ZNF804A: variants seen among roughly 807,000 people sequenced by gnomAD.
The protein encoded by ZNF804A is zinc finger protein 804A.
A neutral mutation model predicts 16.5 loss-of-function variants in ZNF804A; 2 were observed. The observed-to-expected ratio is 0.12, with a 90% CI of 0.05 to 0.38. ZNF804A has a LOEUF of 0.38. ZNF804A is among the 10% of genes least tolerant of loss of function. The pLI, the probability that ZNF804A is intolerant of heterozygous loss-of-function variation, is 0.99. For synonymous variants in ZNF804A, 534 were observed against 489.6 expected, an observed-to-expected ratio of 1.09 and a Z score of -1.20; for missense variants, 1,473 against 1,390.7, an observed-to-expected ratio of 1.06 and a Z score of -0.94.
chr2:184,933,704 G>C lies in ZNF804A; in HGVS notation c.357G>C (p.Lys119Asn). The change falls in exon 3 of 4, where the codon AAG (lysine) becomes AAC (asparagine). Residue 119 changes from lysine to asparagine, a missense_variant. Coordinates refer to ENST00000302277, the MANE Select transcript of ZNF804A (RefSeq NM_194250.2). ...AAAAGGCACTCCAACGCCTGCACAA[G>C]CTGGCTGAGCTAAGAAAGGAAACTG... ...KQEKALQRLH[K>N]LAELRKETVC... The C allele has an allele frequency of 6.2e-7, 1 of 1,605,016 alleles. No individual in the cohort carries two copies. Among genetic ancestry groups the C allele is most frequent in the Admixed American group, 1.7e-5 (1 of 57,508 alleles).
At chr2:184,645,103 G>A (rs914585554) in intron 1 of ZNF804A, among the ~76,000 whole-genome samples, 1 of 151,890 alleles carries the variant, frequency 6.6e-6, no homozygotes, top group Admixed American at 6.6e-5. Flanking sequence ...TCCTATAAAT[G>A]ACATAAGCCC....
intron 1 of ZNF804A, among the ~76,000 whole-genome samples, chr2:184,665,785 C>T (rs1206352393): frequency 1.3e-5 from 2 of 152,146 alleles, no homozygotes; most frequent in South Asian, 2.1e-4. Context: ...CTGGAAGTTG[C>T]CTGCATTTTT....
At chr2:184,888,679 A>G (rs562459637) in intron 2 of ZNF804A, among the ~76,000 whole-genome samples, 58 of 152,284 alleles carry the variant, frequency 3.8e-4, no homozygotes, top group African/African-American at 1.3e-3. Flanking sequence ...CTAGAAAAAG[A>G]GAACAGAGTT....
intron 1 of ZNF804A, among the ~76,000 whole-genome samples, chr2:184,684,718 T>C (rs994669326): frequency 1.4e-5 from 2 of 143,614 alleles, no homozygotes; most frequent in Non-Finnish European, 3.1e-5. Flanking sequence ...CCTCCCTCCC[T>C]CCCTGATCTG....
At chr2:184,801,879 TAGG>T (rs1413719980) in intron 1 of ZNF804A, among the ~76,000 whole-genome samples, 5 of 152,140 alleles carry the variant, frequency 3.3e-5, no homozygotes, top group Non-Finnish European at 5.9e-5. Context: ...GGTATTATGT[TAGG>T]AGCGATGGAA....
At chr2:184,818,362 G>A (rs536425515) in intron 1 of ZNF804A, among the ~76,000 whole-genome samples, 24 of 151,972 alleles carry the variant, frequency 1.6e-4, no homozygotes, top group South Asian at 1.2e-3. Flanking sequence ...AAATGCTGAG[G>A]GAATTTGTCA....
At chr2:184,888,991 A>G (rs953789759) in intron 2 of ZNF804A, among the ~76,000 whole-genome samples, 2 of 152,100 alleles carry the variant, frequency 1.3e-5, no homozygotes, top group Non-Finnish European at 2.9e-5. Flanking sequence ...TACCCTAAAA[A>G]CAAAACTTTT....
chr2:184,852,972 G>A (rs1695628996), intron 1 of ZNF804A, among the ~76,000 whole-genome samples: 1 of 151,472 alleles, frequency 6.6e-6, no homozygotes, highest in South Asian at 2.1e-4. Context: ...TTCTATTTCT[G>A]TGAAAAATGT....
chr2:184,860,939 T>C (rs545206659), intron 1 of ZNF804A, among the ~76,000 whole-genome samples: 39 of 152,318 alleles, frequency 2.6e-4, no homozygotes, highest in Middle Eastern at 3.4e-3. Flanking sequence ...GAGGCTGCTG[T>C]GGGCCAGCCT....
intron 1 of ZNF804A, among the ~76,000 whole-genome samples, chr2:184,817,478 T>TA (rs1212098564): frequency 6.6e-6 from 1 of 151,642 alleles, no homozygotes; most frequent in South Asian, 2.1e-4. Flanking sequence ...CACTCAAAAC[T>TA]AAAAAAACCA....
intron 1 of ZNF804A, among the ~76,000 whole-genome samples, chr2:184,630,386 A>G (rs1691586549): frequency 6.6e-6 from 1 of 152,144 alleles, no homozygotes; most frequent in Non-Finnish European, 1.5e-5. Context: ...AACAGTGGGT[A>G]GGAAATCTCA....
rs566783064 is a variant in ZNF804A at position 184,887,617 on chromosome 2, C to T, written c.255+21105C>T. 2.0e-5 allele frequency among the ~76,000 whole-genome samples: 3 copies of T among 152,296 alleles called. No individual in the cohort carries two copies. In the East Asian group the frequency reaches 5.8e-4, roughly 29 times the overall value. ...TCATGGTTGGAGGTGAAATGCACTT[C>T]TTACATGGTGGTAGCAAGAGAAAAC... On this transcript the variant is annotated intron_variant, in intron 2 of 3. Coordinates refer to ENST00000302277, the MANE Select transcript of ZNF804A (RefSeq NM_194250.2).
At chr2:184,807,075 A>C (rs112406896) in intron 1 of ZNF804A, among the ~76,000 whole-genome samples, 5,547 of 151,700 alleles carry the variant, frequency 0.037, 330 homozygotes, top group African/African-American at 0.12. Context: ...AACTTGGCAT[A>C]GTCTTTACCT....
At chr2:184,702,920 T>A (rs1314477034) in intron 1 of ZNF804A, among the ~76,000 whole-genome samples, 1 of 152,186 alleles carries the variant, frequency 6.6e-6, no homozygotes, top group Non-Finnish European at 1.5e-5. Context: ...GTCAGCCAAT[T>A]TTATAAGCAT....
At chr2:184,829,940 AAACCACAC>A in intron 1 of ZNF804A, among the ~76,000 whole-genome samples, 1 of 143,938 alleles carries the variant, frequency 6.9e-6, no homozygotes, top group African/African-American at 2.8e-5. Context: ...AAAAAAAAAA[AAACCACAC>A]ACACACAAAT....
intron 2 of ZNF804A, among the ~76,000 whole-genome samples, chr2:184,869,391 C>T (rs981188153): frequency 1.3e-5 from 2 of 151,828 alleles, no homozygotes; most frequent in Non-Finnish European, 2.9e-5. Flanking sequence ...AGATATGATA[C>T]CAAGGGCCAA....
chr2:184,783,917 G>T (rs1274686561), intron 1 of ZNF804A, among the ~76,000 whole-genome samples: 1 of 151,910 alleles, frequency 6.6e-6, no homozygotes, highest in African/African-American at 2.4e-5. Flanking sequence ...GTATTGCAAT[G>T]CCATAAAATA....
chr2:184,664,796 A>G (rs1163535659), intron 1 of ZNF804A, among the ~76,000 whole-genome samples: 8 of 152,140 alleles, frequency 5.3e-5, no homozygotes, highest in African/African-American at 9.7e-5. Flanking sequence ...TCATACAACA[A>G]TATTTTGTCT....
At chr2:184,861,376 G>A (rs1336858698) in intron 1 of ZNF804A, among the ~76,000 whole-genome samples, 1 of 152,084 alleles carries the variant, frequency 6.6e-6, no homozygotes, top group Non-Finnish European at 1.5e-5. Context: ...CTCTTATGAA[G>A]GTATTTTTGT....
Sources: allele counts gnomAD v4.1 joint callset (sites outside exome capture counted in the v4.1 genomes callset), GRCh38; gene constraint gnomAD v4.1.1; transcripts MANE v1.5; gene names NCBI Gene and HGNC (gene_info 2026-07-23, HGNC 2026-07-21).